STK32B: variants seen among roughly 807,000 people sequenced by gnomAD.
The protein encoded by STK32B is serine/threonine-protein kinase 32B.
Under a neutral mutation model 52.6 loss-of-function variants are expected in STK32B, and 43 were observed. That is an observed-to-expected ratio of 0.82 (90% CI 0.64 to 1.05). The LOEUF (loss-of-function observed/expected upper bound fraction) is 1.05, where lower values mean the gene tolerates loss of function less well. STK32B is among the 50% of genes least tolerant of loss of function. The pLI is 0.00. For missense variants in STK32B, 621 were observed against 534.6 expected, an observed-to-expected ratio of 1.16 and a Z score of -1.59; for synonymous variants, 238 against 204.3, an observed-to-expected ratio of 1.17 and a Z score of -1.41.
intron 3 of STK32B, among the ~76,000 whole-genome samples, chr4:5,280,332 T>G (rs1299548103): frequency 6.6e-6 from 1 of 152,174 alleles, no homozygotes; most frequent in East Asian, 1.9e-4. Context: ...CATCTCCATC[T>G]GAGACCTCCT....
At chr4:5,449,929 A>T (rs1206584638) in intron 7 of STK32B, among the ~76,000 whole-genome samples, 1 of 152,158 alleles carries the variant, frequency 6.6e-6, no homozygotes, top group Non-Finnish European at 1.5e-5. Flanking sequence ...GAGTTGTATA[A>T]TTATTTAATT....
chr4:5,383,520 G>T lies in STK32B; in HGVS notation c.435-14687G>T, dbSNP rs371234830. On this transcript the variant is annotated intron_variant, in intron 4 of 11. Transcript: ENST00000282908. ...CATCCCATTGTGAGCCAGCTCAGAT[G>T]ATCTTTCTTGCCCAGAAGCAGAGCA... Among the ~76,000 whole-genome samples, 31 of 152,312 alleles carry T rather than the reference G, an allele frequency of 2.0e-4. No individual in the cohort carries two copies. In the East Asian group the frequency reaches 2.3e-3, roughly 11 times the overall value.
chr4:5,314,098 G>T (rs1730494404), intron 3 of STK32B, among the ~76,000 whole-genome samples: 1 of 147,830 alleles, frequency 6.8e-6, no homozygotes, highest in South Asian at 2.1e-4. Context: ...ATGTCACAGG[G>T]TCTATAATAG....
chr4:5,342,717 G>A (rs1185733862), intron 4 of STK32B, among the ~76,000 whole-genome samples: 2 of 152,186 alleles, frequency 1.3e-5, no homozygotes, highest in East Asian at 3.9e-4. Context: ...CACCTGCCTA[G>A]TCTGTAAATT....
intron 4 of STK32B, among the ~76,000 whole-genome samples, chr4:5,388,030 C>T (rs1736367888): frequency 6.6e-6 from 1 of 152,208 alleles, no homozygotes; most frequent in South Asian, 2.1e-4. Flanking sequence ...GAGGCATGAG[C>T]CACCACTCCC....
At chr4:5,493,185 T>C (rs1719898425) in intron 11 of STK32B, among the ~76,000 whole-genome samples, 1 of 152,118 alleles carries the variant, frequency 6.6e-6, no homozygotes, top group South Asian at 2.1e-4. Flanking sequence ...TCTGATAGAA[T>C]TCGGCTGTGA....
intron 3 of STK32B, among the ~76,000 whole-genome samples, chr4:5,264,589 A>G (rs1223724779): frequency 2.0e-5 from 3 of 151,910 alleles, no homozygotes; most frequent in Non-Finnish European, 4.4e-5. Flanking sequence ...GATCGAGACC[A>G]TCCTGGCTAA....
At chr4:5,353,073 G>GA (rs532614622) in intron 4 of STK32B, among the ~76,000 whole-genome samples, 27 of 151,972 alleles carry the variant, frequency 1.8e-4, no homozygotes, top group South Asian at 6.2e-4. Flanking sequence ...AGATCAATGG[G>GA]AAAAAAATAG....
intron 1 of STK32B, among the ~76,000 whole-genome samples, chr4:5,085,485 G>C (rs1475914806): frequency 6.6e-6 from 1 of 152,130 alleles, no homozygotes; most frequent in African/African-American, 2.4e-5. Flanking sequence ...TTCCCCCATG[G>C]AACTGGTGTT....
At chr4:5,255,504 A>C (rs1318956697) in intron 3 of STK32B, among the ~76,000 whole-genome samples, 1 of 152,096 alleles carries the variant, frequency 6.6e-6, no homozygotes, top group Non-Finnish European at 1.5e-5. Flanking sequence ...TCTTACATAC[A>C]TATGCTTGTC....
chr4:5,360,778 C>T (rs1466641907), intron 4 of STK32B, among the ~76,000 whole-genome samples: 1 of 152,064 alleles, frequency 6.6e-6, no homozygotes, highest in Non-Finnish European at 1.5e-5. Context: ...TGCACTCCAG[C>T]CTGGGCAACA....
chr4:5,484,450 C>T (rs1718979235), intron 11 of STK32B, among the ~76,000 whole-genome samples: 1 of 152,264 alleles, frequency 6.6e-6, no homozygotes, highest in Admixed American at 6.5e-5. Context: ...GGTAGATCTT[C>T]CTCCATCCCT....
At chr4:5,496,283 C>T (rs917900834) in intron 11 of STK32B, among the ~76,000 whole-genome samples, 5 of 152,348 alleles carry the variant, frequency 3.3e-5, no homozygotes, top group Middle Eastern at 6.8e-3. Flanking sequence ...TGGGCAATGG[C>T]GGGCGCCCCT....
chr4:5,178,953 A>G (rs1720138623), intron 3 of STK32B, among the ~76,000 whole-genome samples: 1 of 152,164 alleles, frequency 6.6e-6, no homozygotes, highest in Non-Finnish European at 1.5e-5. Flanking sequence ...TTGCTTCCAC[A>G]TTTTTGGGTG....
Position 5,051,853 on chromosome 4 carries a change from A to C in STK32B, c.-11A>C, listed in dbSNP as rs1741797576. On this transcript the variant is annotated 5_prime_UTR_variant, in exon 1 of 12. Coordinates refer to ENST00000282908, the MANE Select transcript of STK32B (RefSeq NM_018401.3). ...CGGCCGGGCATGTAGCAGCGGCAGCAACGGCGGAATATGGGCGGGAACCAC... is the reference window on the plus strand; with the variant it reads ...CGGCCGGGCATGTAGCAGCGGCAGCCACGGCGGAATATGGGCGGGAACCAC... The C allele has an allele frequency of 5.6e-6, 9 of 1,595,040 alleles. No individual in the cohort carries two copies. The highest frequency in any genetic ancestry group is 6.8e-6 in the Non-Finnish European group (8 of 1,171,664).
intron 3 of STK32B, among the ~76,000 whole-genome samples, chr4:5,176,360 G>A (rs374357410): frequency 5.9e-5 from 9 of 151,564 alleles, no homozygotes; most frequent in African/African-American, 1.5e-4. Flanking sequence ...ACCTCAGTTC[G>A]AAATGCAGAA....
At chr4:5,297,581 A>G (rs979961607) in intron 3 of STK32B, among the ~76,000 whole-genome samples, 7 of 146,088 alleles carry the variant, frequency 4.8e-5, no homozygotes, top group Non-Finnish European at 1.0e-4. Context: ...TTATACTTGT[A>G]TATGCTTCAC....
chr4:5,277,689 A>T (rs1727919263), intron 3 of STK32B, among the ~76,000 whole-genome samples: 1 of 152,226 alleles, frequency 6.6e-6, no homozygotes, highest in African/African-American at 2.4e-5. Flanking sequence ...TGTGCAGTTC[A>T]TCTTTGTATG....
chr4:5,317,069 T>G lies in STK32B; in HGVS notation c.261-14151T>G, dbSNP rs867387605. Among the ~76,000 whole-genome samples, 51 of 44,024 alleles carry G rather than the reference T, an allele frequency of 1.2e-3. 3 individuals are homozygous for G. The South Asian group carries it at 0.019, about 16-fold the overall frequency. 28.9% of individuals were successfully genotyped at this position (44,024 alleles called of 152,430 possible). ...TATATATAATATATATGATATAATATATTATATATTATATATATAATATAT... is the reference window on the plus strand; with the variant it reads ...TATATATAATATATATGATATAATAGATTATATATTATATATATAATATAT... On this transcript the variant is annotated intron_variant, in intron 3 of 11. Transcript: ENST00000282908.
Sources: gnomAD v4.1 joint callset for allele counts (sites outside exome capture counted in the v4.1 genomes callset) on GRCh38, gnomAD v4.1.1 for gene constraint, MANE v1.5 for transcripts, NCBI Gene and HGNC (gene_info 2026-07-23, HGNC 2026-07-21) for gene names.